Variants in HEATR4 observed in about 807,000 individuals in gnomAD.
The protein encoded by HEATR4 is HEAT repeat containing 4.
HEATR4 carries 95 observed loss-of-function variants against 108.8 expected under a neutral mutation model. The observed-to-expected ratio is 0.87, with a 90% confidence interval of 0.74 to 1.04. The LOEUF is 1.04. Among genes scored for constraint, HEATR4 ranks in the 50% least tolerant of loss-of-function variants. HEATR4 has a pLI of 0.00. For synonymous variants in HEATR4, 443 were observed against 459.4 expected, an observed-to-expected ratio of 0.96 and a Z score of 0.46; for missense variants, 1,152 against 1,253.8, an observed-to-expected ratio of 0.92 and a Z score of 1.23.
the HEATR4 span, among the ~76,000 whole-genome samples, chr14:73,588,989 T>C: frequency 6.6e-6 from 1 of 152,142 alleles, no homozygotes; most frequent in African/African-American, 2.4e-5. Context: ...ATATACTCCC[T>C]GTGCCCCCCA....
intron 1 of HEATR4, chr14:73,537,400 G>A: frequency 8.1e-7 from 1 of 1,234,578 alleles, no homozygotes; most frequent in Admixed American, 2.6e-5. Context: ...AGTTTGGCCG[G>A]ATTATTTGGG....
Position 73,555,451 on chromosome 14 carries a change from T to TA in HEATR4, c.-152+3299dup, listed in dbSNP as rs1423412925. Among the ~76,000 whole-genome samples, 84 of 99,064 alleles carry TA rather than the reference T, an allele frequency of 8.5e-4. 8 individuals carry two copies. Among genetic ancestry groups the TA allele is most frequent in the African/African-American group, 1.4e-3 (41 of 28,458 alleles). The allele number at this position is 99,064 out of a possible 152,430, so 65.0% of individuals were successfully genotyped here. A position where few individuals can be genotyped will look rare whatever the true frequency, so the allele number is the denominator to read the frequency against. On this transcript the variant is annotated intron_variant, in intron 1 of 17. Transcript: ENST00000553558. ...AAAGAGAAATAAGGATATTCTTAGT[T>TA]AAAAAAAAAAAAGTGAGAGATTTTG...
chr14:73,581,232 T>C, the HEATR4 span: 1 of 151,694 alleles, frequency 6.6e-6, no homozygotes, highest in Non-Finnish European at 1.5e-5. Context: ...AACAGAAATG[T>C]ATTGCTCACA....
At chr14:73,633,257 G>A in the HEATR4 span, among the ~76,000 whole-genome samples, 2 of 152,044 alleles carry the variant, frequency 1.3e-5, no homozygotes, top group African/African-American at 2.4e-5. Context: ...CATCCGCTTC[G>A]GCCTCCTAAA....
At chr14:73,615,489 G>C in the HEATR4 span, among the ~76,000 whole-genome samples, 1 of 150,764 alleles carries the variant, frequency 6.6e-6, no homozygotes, top group Non-Finnish European at 1.5e-5. Context: ...CCAACACTTC[G>C]GGAGGCCAAG....
At chr14:73,620,685 A>G in the HEATR4 span, among the ~76,000 whole-genome samples, 15 of 151,756 alleles carry the variant, frequency 9.9e-5, no homozygotes, top group African/African-American at 3.4e-4. Flanking sequence ...CTCCTGCCCC[A>G]GCCTTCCGAG....
chr14:73,583,861 G>A, the HEATR4 span, among the ~76,000 whole-genome samples: 9 of 152,038 alleles, frequency 5.9e-5, no homozygotes, highest in Non-Finnish European at 8.8e-5. Flanking sequence ...TTAGCCGGGT[G>A]TGGTGGTGCG....
chr14:73,580,382 G>C, the HEATR4 span, among the ~76,000 whole-genome samples: 1 of 152,088 alleles, frequency 6.6e-6, no homozygotes, highest in African/African-American at 2.4e-5. Context: ...GTAATCAGTA[G>C]AACGGTGCAG....
At chr14:73,521,333 C>T (rs899240317) in intron 3 of HEATR4, among the ~76,000 whole-genome samples, 1 of 152,074 alleles carries the variant, frequency 6.6e-6, no homozygotes, top group African/African-American at 2.4e-5. Flanking sequence ...CCTTTTTTAA[C>T]ATTCGTACTC....
At chr14:73,615,665 G>A in the HEATR4 span, among the ~76,000 whole-genome samples, 16 of 152,008 alleles carry the variant, frequency 1.1e-4, no homozygotes, top group African/African-American at 3.6e-4. Context: ...GGGGGGAGAC[G>A]GAGGTTGCAG....
intron 7 of HEATR4, among the ~76,000 whole-genome samples, chr14:73,511,544 TAAATAAATAAATAAATAAATA>T (rs1310319902): frequency 4.7e-5 from 6 of 127,920 alleles, no homozygotes; most frequent in Non-Finnish European, 8.6e-5. Flanking sequence ...AATAAATAAA[TAAATAAATAAATAAATAAATA>T]AAATAAAATA....
At chr14:73,572,980 A>C in the HEATR4 span, among the ~76,000 whole-genome samples, 3 of 151,626 alleles carry the variant, frequency 2.0e-5, no homozygotes, top group Non-Finnish European at 4.4e-5. Flanking sequence ...GTGAAACACA[A>C]AACCTTTAAT....
chr14:73,491,046 C>T (rs759776638), intron 17 of HEATR4: 1 of 1,586,916 alleles, frequency 6.3e-7, no homozygotes, highest in Non-Finnish European at 8.6e-7. Flanking sequence ...AGTGCAGGGC[C>T]GTTGAGGCGC....
the HEATR4 span, among the ~76,000 whole-genome samples, chr14:73,604,650 T>C: frequency 6.6e-6 from 1 of 152,132 alleles, no homozygotes; most frequent in African/African-American, 2.4e-5. Context: ...CACACCTGGC[T>C]AATTTTTTTG....
rs370578275 is a variant in HEATR4, at chr14:73,478,788, T to C, written c.2899A>G (p.Thr967Ala). 1.2e-6 allele frequency: 2 copies of C among 1,613,892 alleles called. No individual in the cohort carries two copies. Among genetic ancestry groups the C allele is most frequent in the Non-Finnish European group, 1.7e-6 (2 of 1,179,926 alleles). The part of the protein sequence containing the change: ...PWLQSSVPGL[T>A]TRSKVRSSLV... ...GATGAACGAACTTTGCTTCGTGTGGTTAGGCCTGGGACTGAACTTTGTAAC... is the reference window on the plus strand; with the variant it reads ...GATGAACGAACTTTGCTTCGTGTGGCTAGGCCTGGGACTGAACTTTGTAAC... Residue 967 changes from threonine to alanine, a missense_variant, in exon 18 of 18, where the codon ACC becomes GCC. Physicochemically the swap from Thr to Ala is moderately conservative, Grantham distance 58 (BLOSUM62 0). Coordinates refer to ENST00000553558, the MANE Select transcript of HEATR4 (RefSeq NM_001220484.1).
the HEATR4 span, among the ~76,000 whole-genome samples, chr14:73,572,344 GA>G: frequency 5.4e-5 from 8 of 148,590 alleles, no homozygotes; most frequent in Admixed American, 1.3e-4. Flanking sequence ...CAAAAGAAAA[GA>G]AAAAAAAAGA....
intron 5 of HEATR4, 68 bp downstream of exon 5, chr14:73,518,955 G>A (rs1380819337): frequency 6.7e-6 from 10 of 1,487,280 alleles, no homozygotes; most frequent in Admixed American, 1.8e-5. Context: ...CATGAATAGT[G>A]GGTAATGATG....
At position 73,537,426 on chromosome 14, in the gene HEATR4, C is replaced by G. The variant is rs375905406; in HGVS notation, c.-151-7182G>C. 3.8e-4 allele frequency: 464 copies of G among 1,233,502 alleles called. 142 individuals are homozygous for G. The South Asian group carries it at 5.9e-3, about 16-fold the overall frequency. The allele number at this position is 1,233,502 out of a possible 1,614,324, so 76.4% of individuals were successfully genotyped here. On this transcript the variant is annotated intron_variant, in intron 1 of 17. Coordinates refer to ENST00000553558, the MANE Select transcript of HEATR4 (RefSeq NM_001220484.1). ...ATTATTTGGGTTCCTGCTCGGATGG[C>G]GGCGACGCTGATCCTGGAGCCCGCG...
the HEATR4 span, among the ~76,000 whole-genome samples, chr14:73,572,769 C>G: frequency 6.7e-6 from 1 of 149,442 alleles, no homozygotes; most frequent in Non-Finnish European, 1.5e-5. Context: ...CCTCAGCCTC[C>G]CGAGTAGCTG....
Sources: allele counts gnomAD v4.1 joint callset (sites outside exome capture counted in the v4.1 genomes callset), GRCh38; gene constraint gnomAD v4.1.1; transcripts MANE v1.5; gene names NCBI Gene and HGNC (gene_info 2026-07-23, HGNC 2026-07-21).